TMEM63C: variants seen among roughly 807,000 people sequenced by gnomAD.
The protein encoded by TMEM63C is transmembrane protein 63C.
TMEM63C carries 32 observed loss-of-function variants against 99.2 expected under a neutral mutation model. The observed-to-expected ratio is 0.32, with a 90% CI of 0.24 to 0.43. The LOEUF is 0.43. Ranked by LOEUF, TMEM63C falls within the 20% of genes least tolerant of loss-of-function variation. TMEM63C has a pLI of 1.00. For synonymous variants in TMEM63C, 376 were observed against 397.9 expected (o/e 0.94, Z 0.66); for missense variants, 826 against 1,053.0 (o/e 0.78, Z 2.98).
intron 1 of TMEM63C, among the ~76,000 whole-genome samples, chr14:77,188,027 G>A (rs1888033906): frequency 6.6e-6 from 1 of 152,160 alleles, no homozygotes; most frequent in South Asian, 2.1e-4. Flanking sequence ...CCCCAGCTCG[G>A]CTAAGAACCA....
chr14:77,222,170 T>G (rs1888734974), intron 5 of TMEM63C, among the ~76,000 whole-genome samples: 1 of 152,216 alleles, frequency 6.6e-6, no homozygotes, highest in East Asian at 1.9e-4. Flanking sequence ...TGTAGTCATT[T>G]GGGGTTCCAT....
At chr14:77,220,892 CCACTCACGCCCCG>C (rs1328602311) in intron 5 of TMEM63C, among the ~76,000 whole-genome samples, 1 of 132,228 alleles carries the variant, frequency 7.6e-6, no homozygotes, top group South Asian at 2.7e-4. Context: ...GCCCCGCCTC[CCACTCACGCCCCG>C]CCTCCCACTC....
chr14:77,182,193 T>G (rs76836027), intron 1 of TMEM63C, among the ~76,000 whole-genome samples: 33,082 of 151,942 alleles, frequency 0.22, 4,364 homozygotes, highest in Admixed American at 0.36. Flanking sequence ...GGAGGTTTGC[T>G]TGGGGGGTCC....
chr14:77,236,666 C>T lies in TMEM63C; in HGVS notation c.585C>T (p.Tyr195=). The change falls in exon 9 of 24, where the codon TAC becomes TAT. Residue 195 remains tyrosine (Y), a synonymous_variant. Transcript: ENST00000298351. ...LWLHSLLSFF[Y]FITNFMFMAH... is the part of the protein sequence containing the mutation. ...TGCATAGCCTGCTGTCCTTCTTCTA[C>T]TTCATCACCAACTTCATGTTCATGG... 3 of 1,612,906 alleles carry T rather than the reference C, an allele frequency of 1.9e-6. No homozygotes were observed. Among genetic ancestry groups the T allele is most frequent in the East Asian group, 2.2e-5 (1 of 44,846 alleles).
intron 7 of TMEM63C, among the ~76,000 whole-genome samples, 187 bp from the exon 8 acceptor site, chr14:77,233,265 G>A (rs1383665032): frequency 6.6e-6 from 1 of 152,158 alleles, no homozygotes; most frequent in Non-Finnish European, 1.5e-5. Flanking sequence ...CCAGTCAGCA[G>A]TGCCAGGGAA....
chr14:77,240,931 CTTTTTTTTTTTTTTTCT>C (rs200114131), intron 13 of TMEM63C, among the ~76,000 whole-genome samples: 34,174 of 128,278 alleles, frequency 0.27, 4,254 homozygotes, highest in East Asian at 0.6. Context: ...TTCCCTTTTT[CTTTTTTTTTTTTTTTCT>C]TTTTTTTTTT....
chr14:77,215,473 C>T (rs974702337), intron 2 of TMEM63C, among the ~76,000 whole-genome samples: 3 of 151,568 alleles, frequency 2.0e-5, no homozygotes, highest in Admixed American at 6.6e-5. Context: ...TAGTGGTGGG[C>T]ACCTGTAGTC....
At chr14:77,216,147 C>A (rs1028831409) in intron 2 of TMEM63C, among the ~76,000 whole-genome samples, 2 of 124,456 alleles carry the variant, frequency 1.6e-5, no homozygotes, top group East Asian at 5.0e-4. Flanking sequence ...AGAGAGAGAG[C>A]AACCATGGCT....
intron 1 of TMEM63C, among the ~76,000 whole-genome samples, chr14:77,195,287 C>A (rs963020928): frequency 6.6e-6 from 1 of 152,126 alleles, no homozygotes; most frequent in Non-Finnish European, 1.5e-5. Flanking sequence ...AAAATGAGAG[C>A]TAGAGAGGAT....
intron 16 of TMEM63C, among the ~76,000 whole-genome samples, chr14:77,244,825 T>C (rs1403530320): frequency 6.6e-6 from 1 of 152,150 alleles, no homozygotes; most frequent in Non-Finnish European, 1.5e-5. Context: ...AAGACTTGTG[T>C]GGGAATGTCA....
intron 3 of TMEM63C, 130 bp from the exon 4 acceptor site, chr14:77,219,368 C>A: frequency 2.3e-6 from 2 of 873,134 alleles, no homozygotes; most frequent in Non-Finnish European, 3.7e-6. Context: ...TCCAACAGAG[C>A]TCACCTTCTA....
At chr14:77,212,900 G>GTTACCTGGTC (rs1888515535) in intron 1 of TMEM63C, among the ~76,000 whole-genome samples, 1 of 152,194 alleles carries the variant, frequency 6.6e-6, no homozygotes, top group Non-Finnish European at 1.5e-5. Context: ...GTCCTCCCAG[G>GTTACCTGGTC]CAGAAGGGCC....
At chr14:77,225,509 G>A in intron 6 of TMEM63C, 48 bp downstream of exon 6, 2 of 1,599,578 alleles carry the variant, frequency 1.3e-6, no homozygotes, top group Non-Finnish European at 1.7e-6. Flanking sequence ...CCTTGGGGGT[G>A]GGGGGTGGAG....
In TMEM63C at chr14:77,246,683, T is replaced by G; in HGVS notation, c.1601+9T>G. ...GCATCCATCAGGTTCCAGTGAGTAC[T>G]CCCATGTGTCCACCAGGGCTGCTGT... On this transcript the variant is annotated intron_variant, in intron 18 of 23. Coordinates refer to ENST00000298351, the MANE Select transcript of TMEM63C (RefSeq NM_020431.4). 6.2e-7 allele frequency: 1 copy of G among 1,610,906 alleles called. No homozygotes were observed. The highest frequency in any genetic ancestry group is 2.2e-5 in the East Asian group (1 of 44,854).
At chr14:77,215,614 A>AAAAGAAAAG (rs1555347251) in intron 2 of TMEM63C, among the ~76,000 whole-genome samples, 10,430 of 76,456 alleles carry the variant, frequency 0.14, 873 homozygotes, top group Middle Eastern at 0.33. Context: ...AAAAAAAAAA[A>AAAAGAAAAG]AAAAGAAAAG....
chr14:77,188,738 T>C (rs1308517141), intron 1 of TMEM63C, among the ~76,000 whole-genome samples: 1 of 151,922 alleles, frequency 6.6e-6, no homozygotes, highest in African/African-American at 2.4e-5. Flanking sequence ...GGGTGGTGTG[T>C]ACCTGTAGAC....
intron 1 of TMEM63C, among the ~76,000 whole-genome samples, chr14:77,191,916 AATT>A (rs1204573922): frequency 2.0e-5 from 3 of 152,152 alleles, no homozygotes; most frequent in Non-Finnish European, 4.4e-5. Context: ...TGAAATCTCC[AATT>A]ATTATTGTGG....
chr14:77,184,489 A>G lies in TMEM63C; in HGVS notation c.-77+2595A>G, dbSNP rs1035492964. Among the ~76,000 whole-genome samples the G allele has an allele frequency of 5.3e-4, 80 of 152,152 alleles. 4 individuals carry two copies. The highest frequency in any genetic ancestry group is 1.5e-5 in the Non-Finnish European group (1 of 68,024). Reference sequence around the variant, plus strand: ...CTGGGAAGAGGCGGGTGGAAGAACCATAAAGATAATGGGTGTAAAGTGCTG... The same window carrying G: ...CTGGGAAGAGGCGGGTGGAAGAACCGTAAAGATAATGGGTGTAAAGTGCTG... On this transcript the variant is annotated intron_variant, in intron 1 of 23. Transcript: ENST00000298351.
At chr14:77,204,773 A>G (rs898094620) in intron 1 of TMEM63C, among the ~76,000 whole-genome samples, 1 of 152,250 alleles carries the variant, frequency 6.6e-6, no homozygotes, top group African/African-American at 2.4e-5. Context: ...TGGCTCTATT[A>G]AACCTCACAT....
Sources: allele counts gnomAD v4.1 joint callset (sites outside exome capture counted in the v4.1 genomes callset), GRCh38; gene constraint gnomAD v4.1.1; transcripts MANE v1.5; gene names NCBI Gene and HGNC (gene_info 2026-07-23, HGNC 2026-07-21).